The following CACNA2D1 variants were observed in gnomAD, a reference collection of about 807,000 sequenced individuals.
The protein encoded by CACNA2D1 is calcium voltage-gated channel auxiliary subunit alpha2delta 1.
In CACNA2D1, 53 loss-of-function variants were observed where a neutral mutation model predicts 171.5. That is an observed-to-expected ratio of 0.31 (90% confidence interval 0.25 to 0.39). The LOEUF (loss-of-function observed/expected upper bound fraction) is 0.39. Ranked by LOEUF, CACNA2D1 falls within the 10% of genes least tolerant of loss-of-function variation. CACNA2D1 has a pLI of 1.00. For synonymous variants in CACNA2D1, 442 were observed against 443.1 expected, an observed-to-expected ratio of 1.00 and a Z score of 0.03; for missense variants, 903 against 1,299.8, an observed-to-expected ratio of 0.69 and a Z score of 4.69.
chr7:81,954,899 C>A (rs1479730583), intron 38 of CACNA2D1, among the ~76,000 whole-genome samples: 1 of 152,048 alleles, frequency 6.6e-6, no homozygotes, highest in African/African-American at 2.4e-5. Context: ...ATAATTTGTT[C>A]TCCGACATGT....
At chr7:82,348,555 T>C (rs771874755) in intron 2 of CACNA2D1, among the ~76,000 whole-genome samples, 1 of 152,142 alleles carries the variant, frequency 6.6e-6, no homozygotes, top group African/African-American at 2.4e-5. Context: ...GTATTCCTTA[T>C]CTCACAGACA....
Position 81,949,559 on chromosome 7 carries a change from C to T in CACNA2D1, c.*833G>A, listed in dbSNP as rs1426287055. On this transcript the variant is annotated 3_prime_UTR_variant, in exon 39 of 39. Transcript: ENST00000356860. ...AAAAACATTTCCCCCTCCCCCCTGA[C>T]AAGCTTTTCTTAGAGCATTTTTAAA... The T allele has an allele frequency of 2.0e-5, 3 of 152,116 alleles. No homozygotes were observed. Among genetic ancestry groups the T allele is most frequent in the African/African-American group, 7.2e-5 (3 of 41,420 alleles). The allele number at this position is 152,116 out of a possible 1,614,324, so 9.4% of individuals were successfully genotyped here.
intron 20 of CACNA2D1, among the ~76,000 whole-genome samples, chr7:81,994,594 T>C (rs1461329682): frequency 6.6e-6 from 1 of 152,042 alleles, no homozygotes; most frequent in African/African-American, 2.4e-5. Flanking sequence ...AATATGTATG[T>C]AAAATATAAT....
At chr7:82,424,826 A>T (rs1011044239) in intron 1 of CACNA2D1, among the ~76,000 whole-genome samples, 1 of 152,262 alleles carries the variant, frequency 6.6e-6, no homozygotes, top group African/African-American at 2.4e-5. Flanking sequence ...AAGGCAAAAG[A>T]GTGATGGGTC....
intron 10 of CACNA2D1, among the ~76,000 whole-genome samples, chr7:82,046,218 G>C (rs1420987551): frequency 6.6e-6 from 1 of 151,956 alleles, no homozygotes; most frequent in Non-Finnish European, 1.5e-5. Context: ...TAAAAGTACT[G>C]CTAGTTAATT....
intron 24 of CACNA2D1, among the ~76,000 whole-genome samples, chr7:81,977,971 C>G (rs547885719): frequency 4.6e-5 from 7 of 152,052 alleles, no homozygotes; most frequent in African/African-American, 1.2e-4. Context: ...ATGCGGCCAA[C>G]AAACATATGA....
Position 82,363,943 on chromosome 7 carries a change from T to C in CACNA2D1, c.96-14294A>G, listed in dbSNP as rs1340781517. ...CCCAAAGGAATATGATTCAAAAAGG[T>C]TGGGTGAAGGCAGGGCCCGGGGGCT... On this transcript the variant is annotated intron_variant, in intron 1 of 38. Coordinates refer to ENST00000356860, the MANE Select transcript of CACNA2D1 (RefSeq NM_000722.4). Among the ~76,000 whole-genome samples, 3 of 151,796 alleles carry C rather than the reference T, an allele frequency of 2.0e-5. No homozygotes were observed. In the East Asian group the frequency reaches 5.8e-4, roughly 30 times the overall value.
chr7:82,203,027 T>A (rs951373951), intron 3 of CACNA2D1, among the ~76,000 whole-genome samples: 2 of 152,072 alleles, frequency 1.3e-5, no homozygotes, highest in Admixed American at 1.3e-4. Context: ...GAGAAGGACA[T>A]TGCTGTGCAA....
At chr7:82,428,188 T>G (rs1457186859) in intron 1 of CACNA2D1, among the ~76,000 whole-genome samples, 1 of 151,992 alleles carries the variant, frequency 6.6e-6, no homozygotes, top group Non-Finnish European at 1.5e-5. Flanking sequence ...TACTTGATAG[T>G]CACATACAAG....
chr7:82,345,098 A>G (rs1819097439), intron 2 of CACNA2D1, among the ~76,000 whole-genome samples: 1 of 151,776 alleles, frequency 6.6e-6, no homozygotes, highest in Non-Finnish European at 1.5e-5. Flanking sequence ...AATATATTAA[A>G]CTCTCCGCCA....
At chr7:82,163,412 C>A (rs1434245077) in intron 4 of CACNA2D1, among the ~76,000 whole-genome samples, 1 of 151,990 alleles carries the variant, frequency 6.6e-6, no homozygotes, top group Non-Finnish European at 1.5e-5. Flanking sequence ...AATGTCTTTT[C>A]ATGCATTCAG....
At chr7:82,244,629 G>T (rs1804695601) in intron 3 of CACNA2D1, among the ~76,000 whole-genome samples, 2 of 151,480 alleles carry the variant, frequency 1.3e-5, no homozygotes, top group Admixed American at 1.3e-4. Flanking sequence ...ATTAAGCAAG[G>T]GGAAAAAAAG....
chr7:82,338,703 C>G (rs779263245), intron 2 of CACNA2D1, among the ~76,000 whole-genome samples: 45 of 152,146 alleles, frequency 3.0e-4, no homozygotes, highest in Admixed American at 2.6e-3. Flanking sequence ...ATGTCTAGAG[C>G]AGCCGAAGGT....
At chr7:82,351,545 G>T (rs1457476631) in intron 1 of CACNA2D1, among the ~76,000 whole-genome samples, 1 of 151,962 alleles carries the variant, frequency 6.6e-6, no homozygotes, top group Non-Finnish European at 1.5e-5. Flanking sequence ...AAATAAGGAA[G>T]AATACTTATT....
chr7:82,196,015 C>G (rs1798818561), intron 3 of CACNA2D1, among the ~76,000 whole-genome samples: 1 of 151,996 alleles, frequency 6.6e-6, no homozygotes, highest in African/African-American at 2.4e-5. Flanking sequence ...GATTCCTTCC[C>G]CAGCTACTCA....
chr7:82,133,229 A>G (rs1437860045), intron 5 of CACNA2D1, among the ~76,000 whole-genome samples: 2 of 152,180 alleles, frequency 1.3e-5, no homozygotes, highest in African/African-American at 4.8e-5. Context: ...GTGTAAAATA[A>G]TATTTTACCC....
upstream of CACNA2D1, chr7:82,443,789 T>C (rs1563561073): frequency 1.0e-6 from 1 of 983,142 alleles, no homozygotes; most frequent in Non-Finnish European, 1.3e-6. Flanking sequence ...TCCCTCTCGG[T>C]TTCCTCCCTG....
chr7:82,426,664 A>G (rs1585920763), intron 1 of CACNA2D1, among the ~76,000 whole-genome samples: 1 of 152,176 alleles, frequency 6.6e-6, no homozygotes, highest in African/African-American at 2.4e-5. Flanking sequence ...AGATTACTAG[A>G]ACTAATATTG....
chr7:82,170,940 T>C (rs1166752918), intron 3 of CACNA2D1, among the ~76,000 whole-genome samples: 3 of 152,076 alleles, frequency 2.0e-5, no homozygotes, highest in Non-Finnish European at 4.4e-5. Flanking sequence ...ATACTAATTT[T>C]CATAGAATCT....
Sources: allele counts gnomAD v4.1 joint callset (sites outside exome capture counted in the v4.1 genomes callset), GRCh38; gene constraint gnomAD v4.1.1; transcripts MANE v1.5; gene names NCBI Gene and HGNC (gene_info 2026-07-23, HGNC 2026-07-21).